IGSF21: variants seen among roughly 807,000 people sequenced by gnomAD.
IGSF21 encodes the protein immunoglobin superfamily member 21, also known as immunoglobulin superfamily member 21.
In IGSF21, 28 loss-of-function variants were observed where a neutral mutation model predicts 46.8. That is an observed-to-expected ratio of 0.60 (90% CI 0.44 to 0.82). The LOEUF (loss-of-function observed/expected upper bound fraction) is 0.82. Ranked by LOEUF, IGSF21 falls within the 40% of genes least tolerant of loss-of-function variation. IGSF21 has a pLI of 0.00. For synonymous variants in IGSF21, 284 were observed against 273.6 expected (o/e 1.04, Z -0.38); for missense variants, 624 against 665.5 (o/e 0.94, Z 0.69).
intron 1 of IGSF21, among the ~76,000 whole-genome samples, chr1:18,191,694 C>A (rs2086958172): frequency 1.3e-5 from 2 of 152,094 alleles, no homozygotes; most frequent in South Asian, 4.1e-4. Flanking sequence ...ATTTTGGATG[C>A]TTTTGTGCTG....
intron 1 of IGSF21, among the ~76,000 whole-genome samples, chr1:18,217,065 C>T (rs1411149091): frequency 6.6e-6 from 1 of 152,106 alleles, no homozygotes; most frequent in Non-Finnish European, 1.5e-5. Flanking sequence ...GTGGCCCTGA[C>T]TGTCATGGTC....
chr1:18,153,244 C>T (rs911469919), intron 1 of IGSF21, among the ~76,000 whole-genome samples: 2 of 152,232 alleles, frequency 1.3e-5, no homozygotes, highest in Non-Finnish European at 2.9e-5. Context: ...TTCAGCTTCA[C>T]TGTCAACCAT....
intron 4 of IGSF21, among the ~76,000 whole-genome samples, chr1:18,343,173 T>C (rs1044194969): frequency 6.6e-6 from 1 of 152,236 alleles, no homozygotes. Flanking sequence ...TTTGTGGCTT[T>C]GATTGGCATT....
At chr1:18,163,974 C>T (rs1447538266) in intron 1 of IGSF21, among the ~76,000 whole-genome samples, 1 of 152,156 alleles carries the variant, frequency 6.6e-6, no homozygotes, top group African/African-American at 2.4e-5. Flanking sequence ...AATTTAGTTA[C>T]TGATTTGGTG....
At chr1:18,362,720 G>C (rs1160977635) in intron 5 of IGSF21, among the ~76,000 whole-genome samples, 1 of 152,196 alleles carries the variant, frequency 6.6e-6, no homozygotes, top group Non-Finnish European at 1.5e-5. Context: ...GGATGGAAGG[G>C]CGAGAAGGAA....
intron 1 of IGSF21, among the ~76,000 whole-genome samples, chr1:18,125,126 C>T (rs1401991863): frequency 1.3e-5 from 2 of 152,156 alleles, no homozygotes; most frequent in Admixed American, 6.5e-5. Context: ...GAGGCCCTGT[C>T]CCCCTGCCAC....
At chr1:18,347,089 G>C (rs72938747) in intron 4 of IGSF21, among the ~76,000 whole-genome samples, 6,687 of 152,228 alleles carry the variant, frequency 0.044, 298 homozygotes, top group African/African-American at 0.11. Flanking sequence ...CATCTAGCAA[G>C]AACGGTCACT....
intron 2 of IGSF21, among the ~76,000 whole-genome samples, chr1:18,242,994 G>A (rs545217269): frequency 9.9e-5 from 15 of 152,278 alleles, no homozygotes; most frequent in Middle Eastern, 3.4e-3. Context: ...AGGCCTGGGG[G>A]TGGCCCATCT....
chr1:18,342,956 G>A (rs648097), intron 4 of IGSF21, among the ~76,000 whole-genome samples: 53,477 of 152,074 alleles, frequency 0.35, 9,524 homozygotes, highest in South Asian at 0.43. Flanking sequence ...TGTATCCTTG[G>A]AGTAGAACTG....
intron 1 of IGSF21, among the ~76,000 whole-genome samples, chr1:18,124,728 A>T (rs2086261403): frequency 6.6e-6 from 1 of 152,160 alleles, no homozygotes; most frequent in Non-Finnish European, 1.5e-5. Flanking sequence ...CGTTATTATT[A>T]TTACTTCTTT....
At chr1:18,135,792 G>T (rs937698837) in intron 1 of IGSF21, among the ~76,000 whole-genome samples, 2 of 152,188 alleles carry the variant, frequency 1.3e-5, no homozygotes, top group Non-Finnish European at 2.9e-5. Context: ...TGGGATGGCT[G>T]GGTCAAATGG....
chr1:18,301,573 T>A (rs1255292712), intron 3 of IGSF21, among the ~76,000 whole-genome samples: 1 of 152,166 alleles, frequency 6.6e-6, no homozygotes, highest in Non-Finnish European at 1.5e-5. Context: ...ACTCCTGACC[T>A]CAAGTGATGC....
intron 1 of IGSF21, among the ~76,000 whole-genome samples, chr1:18,132,815 C>G (rs2124418017): frequency 6.6e-6 from 1 of 151,866 alleles, no homozygotes; most frequent in African/African-American, 2.4e-5. Flanking sequence ...TCCTGCCATC[C>G]CTTAAGCATC....
At chr1:18,145,454 C>T (rs750022175) in intron 1 of IGSF21, among the ~76,000 whole-genome samples, 4 of 152,080 alleles carry the variant, frequency 2.6e-5, no homozygotes, top group Non-Finnish European at 4.4e-5. Flanking sequence ...CCCCAGTGCC[C>T]GAGAGCCCCC....
chr1:18,141,099 G>A (rs1048071856), intron 1 of IGSF21, among the ~76,000 whole-genome samples: 1 of 152,148 alleles, frequency 6.6e-6, no homozygotes, highest in African/African-American at 2.4e-5. Flanking sequence ...CACCTCGGGG[G>A]TCACCCAGCA....
chr1:18,139,766 A>G (rs569688089), intron 1 of IGSF21, among the ~76,000 whole-genome samples: 17 of 151,906 alleles, frequency 1.1e-4, no homozygotes, highest in Non-Finnish European at 1.6e-4. Context: ...TACTCTCTGT[A>G]TTTCTCTCCA....
chr1:18,229,752 C>G (rs761905932), intron 2 of IGSF21, among the ~76,000 whole-genome samples: 1 of 152,214 alleles, frequency 6.6e-6, no homozygotes, highest in African/African-American at 2.4e-5. Flanking sequence ...TGAACTGAAT[C>G]ACTAAGAGGT....
chr1:18,169,251 T>C (rs4920447), intron 1 of IGSF21, among the ~76,000 whole-genome samples: 51,220 of 152,128 alleles, frequency 0.34, 9,642 homozygotes, highest in African/African-American at 0.5. Flanking sequence ...ATCTGCGAAG[T>C]AGCTTTGGCG....
Position 18,378,277 on chromosome 1 carries a change from C to T in IGSF21, c.1355C>T (p.Ala452Val), listed in dbSNP as rs771695524. ...ACAGGTTCCATTGGCCCCACTGGTG[C>T]CCGGCTCACCTTGGTGCTCGCCCTG... ...DSNGSIGPTGARLTLVLALTV... is the reference protein window; with the variant it reads ...DSNGSIGPTGVRLTLVLALTV... Residue 452 changes from alanine (A) to valine (V), a missense_variant, in exon 10 of 10, where the codon GCC becomes GTC. Transcript: ENST00000251296. The T allele has an allele frequency of 3.1e-6, 5 of 1,613,908 alleles. No individual in the cohort carries two copies. In the African/African-American group the frequency reaches 6.7e-5, roughly 22 times the overall value.
Sources: gnomAD v4.1 joint callset for allele counts (sites outside exome capture counted in the v4.1 genomes callset) on GRCh38, gnomAD v4.1.1 for gene constraint, MANE v1.5 for transcripts, NCBI Gene and HGNC (gene_info 2026-07-23, HGNC 2026-07-21) for gene names.